Variants in PTPRJ observed in about 807,000 individuals in gnomAD.
The protein encoded by PTPRJ is receptor-type tyrosine-protein phosphatase eta.
Under a neutral mutation model 141.3 loss-of-function variants are expected in PTPRJ, and 129 were observed. That is an observed-to-expected ratio of 0.91 (90% CI 0.79 to 1.06). The LOEUF (loss-of-function observed/expected upper bound fraction) is 1.06. PTPRJ is among the 50% of genes least tolerant of loss of function. The pLI, the probability that PTPRJ is intolerant of heterozygous loss-of-function variation, is 0.00. For missense variants in PTPRJ, 1,601 were observed against 1,679.7 expected, an observed-to-expected ratio of 0.95 and a Z score of 0.82; for synonymous variants, 610 against 640.5, an observed-to-expected ratio of 0.95 and a Z score of 0.72.
At chr11:48,145,650 C>T (rs1299005363) in intron 14 of PTPRJ, among the ~76,000 whole-genome samples, 2 of 141,598 alleles carry the variant, frequency 1.4e-5, no homozygotes, top group African/African-American at 5.2e-5. Context: ...CCTCTGCCTT[C>T]TGGGTTCAAG....
chr11:48,002,418 A>G (rs1854523574), intron 1 of PTPRJ, among the ~76,000 whole-genome samples: 1 of 152,230 alleles, frequency 6.6e-6, no homozygotes, highest in East Asian at 1.9e-4. Context: ...GATTACAGGC[A>G]TGAGCCACCA....
At position 48,160,015 on chromosome 11, in the gene PTPRJ, C is replaced by T. The variant is rs535595525; in HGVS notation, c.3524C>T (p.Pro1175Leu). ...TVAMTSEIVL[P>L]EWTIRDFTVK... ...GCAATGACATCAGAAATTGTTCTTC[C>T]GGAATGGACCATCAGAGATTTCACA... The change falls in exon 22 of 25, where the codon CCG becomes CTG. Residue 1175 changes from proline (P) to leucine (L), a missense_variant. Physicochemically the swap from Pro to Leu is moderately conservative, Grantham distance 98. Coordinates refer to ENST00000418331, the MANE Select transcript of PTPRJ (RefSeq NM_002843.4). 3.8e-5 allele frequency: 62 copies of T among 1,613,702 alleles called. No homozygotes were observed. The highest frequency in any genetic ancestry group is 1.8e-4 in the South Asian group (16 of 91,066).
intron 10 of PTPRJ, 87 bp from the exon 11 acceptor site, chr11:48,139,399 C>A: frequency 7.0e-7 from 1 of 1,425,852 alleles, no homozygotes; most frequent in Non-Finnish European, 9.6e-7. Context: ...CCCACCTTCT[C>A]ATCCCCAGGA....
At chr11:47,997,870 AG>A (rs1854386050) in intron 1 of PTPRJ, among the ~76,000 whole-genome samples, 2 of 62,912 alleles carry the variant, frequency 3.2e-5, no homozygotes, top group Non-Finnish European at 5.2e-5. Flanking sequence ...GTGTAAAGCG[AG>A]AGAGAGAATG....
In PTPRJ at chr11:48,164,558, A is replaced by ATTTTT. The variant is rs60806872; in HGVS notation, c.3855+65_3855+69dup. The ATTTTT allele has an allele frequency of 2.8e-3, 2,149 of 773,798 alleles. 75 individuals carry two copies. The highest frequency in any genetic ancestry group is 4.9e-3 in the South Asian group (182 of 37,180). 47.9% of individuals were successfully genotyped at this position (773,798 alleles called of 1,614,324 possible). A position where few individuals can be genotyped will look rare whatever the true frequency, so the allele number is the denominator to read the frequency against. On this transcript the variant is annotated intron_variant, in intron 24 of 24. Coordinates refer to ENST00000418331, the MANE Select transcript of PTPRJ (RefSeq NM_002843.4). The stretch of plus-strand genomic sequence containing the variant: ...ATTTGACATTCCACCCTTCCCCTCC[A>ATTTTT]TTTTTTTTTTTTTTTTTTTTTTTTT...
intron 1 of PTPRJ, among the ~76,000 whole-genome samples, chr11:48,028,653 T>C (rs1277181764): frequency 1.3e-5 from 2 of 152,178 alleles, no homozygotes; most frequent in African/African-American, 4.8e-5. Context: ...TAGCCAGGTG[T>C]GGTGGCGGGC....
rs571549826 is a variant in PTPRJ at position 48,164,425 on chromosome 11, C to T, written c.3765C>T (p.Leu1255=). Residue 1255 remains leucine, a synonymous_variant, in exon 24 of 25, where the codon CTC becomes CTT. Transcript: ENST00000418331. ...RTGTFIAIDR[L]IYQIENENTV... ...GCACTTTCATTGCCATTGATCGTCT[C>T]ATCTACCAGATAGAGAATGAGAACA... is the stretch of plus-strand genomic sequence containing the variant. The T allele has an allele frequency of 3.1e-6, 5 of 1,614,130 alleles. No individual in the cohort carries two copies. Among genetic ancestry groups the T allele is most frequent in the Admixed American group, 3.3e-5 (2 of 60,016 alleles).
At chr11:47,994,622 G>A (rs558889746) in intron 1 of PTPRJ, among the ~76,000 whole-genome samples, 5 of 152,072 alleles carry the variant, frequency 3.3e-5, no homozygotes, top group South Asian at 2.1e-4. Flanking sequence ...CCAAGATTGC[G>A]CCACTGCACT....
chr11:48,012,490 C>T (rs1286849529), intron 1 of PTPRJ, among the ~76,000 whole-genome samples: 2 of 152,104 alleles, frequency 1.3e-5, no homozygotes, highest in Non-Finnish European at 2.9e-5. Context: ...TCCAGGAACT[C>T]GTGATCTAGT....
chr11:48,160,164 T>C, intron 22 of PTPRJ, 115 bp downstream of exon 22: 2 of 1,420,640 alleles, frequency 1.4e-6, no homozygotes, highest in Non-Finnish European at 1.9e-6. Flanking sequence ...GAGAAATGTT[T>C]TGCTGCTTTC....
At chr11:48,017,099 A>G (rs1565259339) in intron 1 of PTPRJ, among the ~76,000 whole-genome samples, 1 of 152,090 alleles carries the variant, frequency 6.6e-6, no homozygotes, top group Non-Finnish European at 1.5e-5. Context: ...GGGGGTTCAA[A>G]AAAGTTTATG....
At chr11:47,998,062 G>A (rs1353695986) in intron 1 of PTPRJ, among the ~76,000 whole-genome samples, 2 of 151,990 alleles carry the variant, frequency 1.3e-5, no homozygotes, top group East Asian at 3.9e-4. Flanking sequence ...CACTTTGTGA[G>A]GCCCAAAAAC....
At chr11:48,051,315 G>A (rs774838386) in intron 1 of PTPRJ, among the ~76,000 whole-genome samples, 28 of 151,970 alleles carry the variant, frequency 1.8e-4, no homozygotes, top group Non-Finnish European at 3.2e-4. Context: ...GGCTGGTGTC[G>A]AACTCCTGGG....
At chr11:48,086,726 C>T (rs1855721981) in intron 1 of PTPRJ, among the ~76,000 whole-genome samples, 1 of 152,214 alleles carries the variant, frequency 6.6e-6, no homozygotes, top group Admixed American at 6.5e-5. Context: ...AGTTATTCTT[C>T]AAGGAAGACA....
At chr11:48,112,494 C>T (rs1321508322) in intron 2 of PTPRJ, among the ~76,000 whole-genome samples, 1 of 152,232 alleles carries the variant, frequency 6.6e-6, no homozygotes, top group Non-Finnish European at 1.5e-5. Flanking sequence ...CGCCTCCTCT[C>T]CTTTCCTGTG....
intron 1 of PTPRJ, among the ~76,000 whole-genome samples, chr11:48,003,295 G>T (rs1334275584): frequency 6.6e-6 from 1 of 152,098 alleles, no homozygotes; most frequent in African/African-American, 2.4e-5. Flanking sequence ...CATGAATACA[G>T]CATTTTCTGT....
At position 48,139,556 on chromosome 11, in the gene PTPRJ, C is replaced by A; in HGVS notation, c.2223C>A (p.Thr741=). 1 of 1,614,254 alleles carries A rather than the reference C, an allele frequency of 6.2e-7. No homozygotes were observed. Among genetic ancestry groups the A allele is most frequent in the Non-Finnish European group, 8.5e-7 (1 of 1,180,046 alleles). Residue 741 remains threonine (T), a synonymous_variant, in exon 11 of 25, where the codon ACC becomes ACA. Coordinates refer to ENST00000418331, the MANE Select transcript of PTPRJ (RefSeq NM_002843.4). ...PKEPALVLKW[T]CPPGANAGFE... is the part of the protein sequence containing the mutation. ...AGCCAGCCCTGGTTCTCAAATGGAC[C>A]TGCCCTCCTGGCGCCAATGCAGGCT...
intron 1 of PTPRJ, chr11:48,096,647 G>C (rs4752806): frequency 0.71 from 109,591 of 154,120 alleles, 40,490 homozygotes; most frequent in South Asian, 0.84. Context: ...CAGAGCTGTT[G>C]AGGCCCTTCC....
chr11:48,063,046 A>G (rs192116844), intron 1 of PTPRJ, among the ~76,000 whole-genome samples: 6 of 152,254 alleles, frequency 3.9e-5, no homozygotes, highest in Admixed American at 1.3e-4. Flanking sequence ...CCCAACTTTG[A>G]TCTGGATGCA....
Sources: allele counts gnomAD v4.1 joint callset (sites outside exome capture counted in the v4.1 genomes callset), GRCh38; gene constraint gnomAD v4.1.1; transcripts MANE v1.5; gene names NCBI Gene and HGNC (gene_info 2026-07-23, HGNC 2026-07-21).